TTLL5: variants seen among roughly 807,000 people sequenced by gnomAD.
TTLL5 encodes the protein tubulin polyglutamylase TTLL5.
TTLL5 carries 132 observed loss-of-function variants against 168.4 expected under a neutral mutation model. The observed-to-expected ratio is 0.78, with a 90% confidence interval of 0.68 to 0.91. The LOEUF is 0.91. TTLL5 is among the 40% of genes least tolerant of loss of function. The pLI is 0.00. For missense variants in TTLL5, 1,545 were observed against 1,581.5 expected (o/e 0.98, Z 0.39); for synonymous variants, 546 against 558.6 (o/e 0.98, Z 0.32).
rs1395013836 is a variant in TTLL5 at position 75,786,143 on chromosome 14, AAT to A, written c.2986+2619_2986+2620del. Reference sequence around the variant, plus strand: ...TCCACTTTAATAAGTCATAAATATGAATATATACATATGTATATATCTGCTAA... The same window carrying A: ...TCCACTTTAATAAGTCATAAATATGAATATACATATGTATATATCTGCTAA... On this transcript the variant is annotated intron_variant, in intron 26 of 31. Coordinates refer to ENST00000298832, the MANE Select transcript of TTLL5 (RefSeq NM_015072.5). Among the ~76,000 whole-genome samples, 18 of 152,340 alleles carry A rather than the reference AAT, an allele frequency of 1.2e-4. No homozygotes were observed. In the South Asian group the frequency reaches 3.7e-3, roughly 32 times the overall value.
chr14:75,780,459 C>T (rs978880269), intron 24 of TTLL5, among the ~76,000 whole-genome samples: 1 of 151,732 alleles, frequency 6.6e-6, no homozygotes, highest in African/African-American at 2.4e-5. Flanking sequence ...GCTCACGTCA[C>T]CATGATAAAA....
At chr14:75,825,224 A>G (rs1374773421) in intron 28 of TTLL5, among the ~76,000 whole-genome samples, 1 of 152,208 alleles carries the variant, frequency 6.6e-6, no homozygotes, top group Admixed American at 6.5e-5. Flanking sequence ...AAAGAAAGAA[A>G]GAAACTTAAA....
chr14:75,783,629 G>T, intron 26 of TTLL5, 99 bp downstream of exon 26: 4 of 1,453,538 alleles, frequency 2.8e-6, no homozygotes, highest in Non-Finnish European at 3.7e-6. Context: ...TTTAAATTTT[G>T]AAATGGAAAT....
chr14:75,848,243 C>G (rs1356120441), intron 28 of TTLL5, among the ~76,000 whole-genome samples: 1 of 151,924 alleles, frequency 6.6e-6, no homozygotes, highest in Admixed American at 6.5e-5. Context: ...TGTGATGGGG[C>G]AGGAATTCTA....
rs1365910231 is a variant in TTLL5 at position 75,778,745 on chromosome 14, AAAGTC to A, written c.2388-829_2388-825del. The stretch of plus-strand genomic sequence containing the variant: ...CCATTGAGAAGCTGCTACAGATGTT[AAAGTC>A]CATGTGTGATATGTTCAATAGAAGA... On this transcript the variant is annotated intron_variant, in intron 23 of 31. Coordinates refer to ENST00000298832, the MANE Select transcript of TTLL5 (RefSeq NM_015072.5). 3.9e-5 allele frequency among the ~76,000 whole-genome samples: 6 copies of A among 152,038 alleles called. No homozygotes were observed. The East Asian group carries it at 5.8e-4, about 15-fold the overall frequency.
rs138271588 is a variant in TTLL5 at position 75,690,197 on chromosome 14, A to C, written c.377A>C (p.Tyr126Ser). 394 of 1,613,100 alleles carry C rather than the reference A, an allele frequency of 2.4e-4. No individual in the cohort carries two copies. The highest frequency in any genetic ancestry group is 3.2e-4 in the Non-Finnish European group (383 of 1,179,700). ...ATACTTTTTTGATTTTTCAGGTCTT[A>C]TGAACTTACCCGGAAGGACCGACTG... is the stretch of plus-strand genomic sequence containing the variant. ...AQKVNHFPRSYELTRKDRLYK... is the reference protein window; with the variant it reads ...AQKVNHFPRSSELTRKDRLYK... The change falls in exon 6 of 32, where the codon TAT (tyrosine) becomes TCT (serine). Residue 126 changes from tyrosine to serine, a missense_variant. Coordinates refer to ENST00000298832, the MANE Select transcript of TTLL5 (RefSeq NM_015072.5).
At chr14:75,877,863 A>G (rs946440083) in intron 29 of TTLL5, among the ~76,000 whole-genome samples, 1 of 152,146 alleles carries the variant, frequency 6.6e-6, no homozygotes, top group African/African-American at 2.4e-5. Flanking sequence ...TTCTGCTGCT[A>G]GTTTACACAC....
intron 28 of TTLL5, among the ~76,000 whole-genome samples, chr14:75,834,221 G>A (rs910175777): frequency 6.6e-6 from 1 of 152,200 alleles, no homozygotes; most frequent in African/African-American, 2.4e-5. Context: ...AGATGAAAAT[G>A]GCGGAGATTT....
At chr14:75,785,746 A>G (rs1418893714) in intron 26 of TTLL5, among the ~76,000 whole-genome samples, 1 of 151,972 alleles carries the variant, frequency 6.6e-6, no homozygotes, top group African/African-American at 2.4e-5. Context: ...CCTTATGCCA[A>G]TATCACATTG....
At chr14:75,775,711 T>C (rs1326420154) in intron 22 of TTLL5, 81 bp downstream of exon 22, 1 of 1,518,448 alleles carries the variant, frequency 6.6e-7, no homozygotes, top group Non-Finnish European at 8.9e-7. Context: ...TCTGTCCAAC[T>C]GGATGGAGAC....
At chr14:75,762,847 A>G (rs1478370687) in intron 18 of TTLL5, among the ~76,000 whole-genome samples, 1 of 152,204 alleles carries the variant, frequency 6.6e-6, no homozygotes, top group Non-Finnish European at 1.5e-5. Flanking sequence ...GTTCTTGACA[A>G]TGTAGACGGT....
At chr14:75,815,388 G>T (rs1894334409) in intron 27 of TTLL5, among the ~76,000 whole-genome samples, 1 of 152,034 alleles carries the variant, frequency 6.6e-6, no homozygotes, top group Non-Finnish European at 1.5e-5. Flanking sequence ...ATGATACTTT[G>T]CTTTTGCATA....
chr14:75,858,397 C>T lies in TTLL5; in HGVS notation c.3327-5270C>T, dbSNP rs139951266. ...TATCCTTCATAAGCAGTAATATTTT[C>T]TTAAACTCAACCCTGGAGTGTATAT... is the stretch of plus-strand genomic sequence containing the variant. On this transcript the variant is annotated intron_variant, in intron 28 of 31. Transcript: ENST00000298832. Among the ~76,000 whole-genome samples the T allele has an allele frequency of 2.6e-4, 39 of 152,312 alleles. No individual in the cohort carries two copies. The East Asian group carries it at 7.1e-3, about 28-fold the overall frequency.
chr14:75,855,811 CAT>C (rs898490828), intron 28 of TTLL5, among the ~76,000 whole-genome samples: 2 of 152,200 alleles, frequency 1.3e-5, no homozygotes, highest in East Asian at 1.9e-4. Context: ...ACTTAAAACA[CAT>C]ACACACACAT....
chr14:75,669,839 G>T (rs1035073916), intron 3 of TTLL5, among the ~76,000 whole-genome samples: 1 of 151,834 alleles, frequency 6.6e-6, no homozygotes, highest in Non-Finnish European at 1.5e-5. Context: ...TTGTGCAGCC[G>T]TCACCACTGT....
intron 27 of TTLL5, among the ~76,000 whole-genome samples, chr14:75,801,461 T>G (rs1050163442): frequency 1.3e-5 from 2 of 152,210 alleles, no homozygotes; most frequent in African/African-American, 2.4e-5. Flanking sequence ...CCTTTCTTTG[T>G]ATTACAGACA....
At chr14:75,823,084 G>A (rs1190084840) in intron 28 of TTLL5, among the ~76,000 whole-genome samples, 1 of 152,164 alleles carries the variant, frequency 6.6e-6, no homozygotes, top group Admixed American at 6.5e-5. Context: ...GTGCCTCCAA[G>A]CAAGGCCGAC....
At chr14:75,926,710 T>C (rs967904588) in intron 31 of TTLL5, among the ~76,000 whole-genome samples, 1 of 152,132 alleles carries the variant, frequency 6.6e-6, no homozygotes, top group Non-Finnish European at 1.5e-5. Context: ...ACACTGCTGG[T>C]GGAAATGTAA....
chr14:75,707,716 CTGTT>C lies in TTLL5; in HGVS notation c.740+12_740+15del. The C allele has an allele frequency of 6.6e-7, 1 of 1,521,916 alleles. No individual in the cohort carries two copies. Among genetic ancestry groups the C allele is most frequent in the Non-Finnish European group, 9.0e-7 (1 of 1,109,528 alleles). The allele number at this position is 1,521,916 out of a possible 1,614,324, so 94.3% of individuals were successfully genotyped here. On this transcript the variant is annotated intron_variant, in intron 9 of 31. Coordinates refer to ENST00000298832, the MANE Select transcript of TTLL5 (RefSeq NM_015072.5). ...GAAGAAGGATTGGCTAGGTAAGAAG[CTGTT>C]TGGGGGTGAAGGGGTTGGGTGGGTA...
Sources: gnomAD v4.1 joint callset for allele counts (sites outside exome capture counted in the v4.1 genomes callset) on GRCh38, gnomAD v4.1.1 for gene constraint, MANE v1.5 for transcripts, NCBI Gene and HGNC (gene_info 2026-07-23, HGNC 2026-07-21) for gene names.